TRPM3: variants seen among roughly 807,000 people sequenced by gnomAD.
TRPM3 encodes long transient receptor potential channel 3.
In TRPM3, 77 loss-of-function variants were observed where a neutral mutation model predicts 181.2. That is an observed-to-expected ratio of 0.42 (90% CI 0.35 to 0.51). The LOEUF (loss-of-function observed/expected upper bound fraction) is 0.51. TRPM3 is among the 20% of genes least tolerant of loss of function. The pLI is 0.01. For synonymous variants in TRPM3, 745 were observed against 796.4 expected (o/e 0.94, Z 1.09); for missense variants, 1,759 against 2,196.7 (o/e 0.80, Z 3.98).
chr9:71,408,052 TCAACAA>T (rs1482447614), intron 1 of TRPM3, among the ~76,000 whole-genome samples: 1 of 152,026 alleles, frequency 6.6e-6, no homozygotes, highest in Non-Finnish European at 1.5e-5. Context: ...AGGAATAGCA[TCAACAA>T]CAACAAAAAG....
intron 1 of TRPM3, among the ~76,000 whole-genome samples, chr9:71,401,398 A>G (rs2093338910): frequency 6.6e-6 from 1 of 152,072 alleles, no homozygotes; most frequent in African/African-American, 2.4e-5. Context: ...TGAGCAGACT[A>G]TTGGAGGAGG....
At chr9:71,300,738 C>T (rs982613372) in intron 1 of TRPM3, among the ~76,000 whole-genome samples, 4 of 151,986 alleles carry the variant, frequency 2.6e-5, no homozygotes, top group African/African-American at 9.7e-5. Context: ...TTTTTTCTTA[C>T]AACTGTGTAA....
At position 70,599,379 on chromosome 9, in the gene TRPM3, TA is replaced by T. The variant is rs760733819; in HGVS notation, c.2797-710del. ...AATTATAGATAAATTATACCTCAATTAAAAAAAAGACTTAGGAGACAAATGA... is the reference window on the plus strand; with the variant it reads ...AATTATAGATAAATTATACCTCAATTAAAAAAAGACTTAGGAGACAAATGA... On this transcript the variant is annotated intron_variant, in intron 20 of 25. Coordinates refer to ENST00000677713, the MANE Select transcript of TRPM3 (RefSeq NM_001366145.2). Among the ~76,000 whole-genome samples the T allele has an allele frequency of 2.2e-4, 33 of 151,804 alleles. No individual in the cohort carries two copies. The East Asian group carries it at 5.6e-3, about 26-fold the overall frequency.
chr9:70,779,801 TTAC>T (rs2082120003), intron 7 of TRPM3, among the ~76,000 whole-genome samples: 1 of 152,132 alleles, frequency 6.6e-6, no homozygotes, highest in Non-Finnish European at 1.5e-5. Flanking sequence ...ACAAAATTAA[TTAC>T]GGAAAGTGAC....
intron 1 of TRPM3, among the ~76,000 whole-genome samples, chr9:71,315,056 G>A (rs72735811): frequency 0.15 from 23,203 of 152,064 alleles, 2,111 homozygotes; most frequent in Admixed American, 0.22. Flanking sequence ...TAACTAAAAT[G>A]TGTGGCAATG....
intron 1 of TRPM3, among the ~76,000 whole-genome samples, chr9:71,323,785 A>G (rs192409150): frequency 7.9e-5 from 12 of 152,264 alleles, no homozygotes; most frequent in Admixed American, 7.2e-4. Flanking sequence ...GGAAGATGAC[A>G]TGAAGGGAAA....
chr9:71,026,592 C>A (rs918871410), intron 1 of TRPM3, among the ~76,000 whole-genome samples: 2 of 152,118 alleles, frequency 1.3e-5, no homozygotes, highest in Non-Finnish European at 1.5e-5. Context: ...CACTGCTGGG[C>A]GTAAATGAAC....
chr9:71,446,545 C>G, intron 1 of TRPM3: 1 of 1,179,428 alleles, frequency 8.5e-7, no homozygotes, highest in Admixed American at 2.8e-5. Flanking sequence ...CCACAAGTTC[C>G]CTGGCTCTCA....
chr9:70,643,089 G>T lies in TRPM3; in HGVS notation c.1346-2429C>A, dbSNP rs541759909. On this transcript the variant is annotated intron_variant, in intron 9 of 25. Coordinates refer to ENST00000677713, the MANE Select transcript of TRPM3 (RefSeq NM_001366145.2). ...GTTTACAATGATGAATATCATTTCA[G>T]CTCTCACGTGGAATTTTCCATTAAA... Among the ~76,000 whole-genome samples, 15 of 152,266 alleles carry T rather than the reference G, an allele frequency of 9.9e-5. No homozygotes were observed. In the South Asian group the frequency reaches 3.1e-3, roughly 32 times the overall value.
intron 1 of TRPM3, among the ~76,000 whole-genome samples, chr9:71,046,144 C>T (rs1159437787): frequency 6.6e-6 from 1 of 152,034 alleles, no homozygotes; most frequent in African/African-American, 2.4e-5. Flanking sequence ...GCGCCCCACG[C>T]CCGGCTAATT....
intron 1 of TRPM3, among the ~76,000 whole-genome samples, chr9:71,312,512 A>G (rs1406409037): frequency 6.6e-6 from 1 of 152,164 alleles, no homozygotes; most frequent in Non-Finnish European, 1.5e-5. Flanking sequence ...AAAACTGAAC[A>G]TACTCTTAAT....
At chr9:70,696,267 T>A (rs1038149410) in intron 8 of TRPM3, among the ~76,000 whole-genome samples, 11 of 152,170 alleles carry the variant, frequency 7.2e-5, no homozygotes, top group Non-Finnish European at 1.6e-4. Context: ...CCACTCCCGA[T>A]TAGGTTCAGG....
chr9:71,029,250 A>AC (rs1355865126), intron 1 of TRPM3, among the ~76,000 whole-genome samples: 1 of 152,196 alleles, frequency 6.6e-6, no homozygotes, highest in East Asian at 1.9e-4. Context: ...ACCTAAACTT[A>AC]ATGCTTAAAA....
chr9:70,912,789 G>A (rs976566871), intron 1 of TRPM3, among the ~76,000 whole-genome samples: 3 of 152,116 alleles, frequency 2.0e-5, no homozygotes, highest in Non-Finnish European at 4.4e-5. Flanking sequence ...TGGTATTTTA[G>A]ATTTGCCTCT....
At chr9:71,126,271 A>G (rs1460274403), upstream of TRPM3, among the ~76,000 whole-genome samples, 2 of 152,198 alleles carry the variant, frequency 1.3e-5, no homozygotes, top group Non-Finnish European at 1.5e-5. Context: ...ACGCTTTTAC[A>G]CTGTTGGTGG....
At chr9:70,766,140 T>C (rs555122136) in intron 7 of TRPM3, among the ~76,000 whole-genome samples, 115 of 152,278 alleles carry the variant, frequency 7.6e-4, no homozygotes, top group Middle Eastern at 3.4e-3. Flanking sequence ...TTAAATGCTG[T>C]ACTTATGATC....
chr9:71,270,415 A>T (rs2083702933), intron 1 of TRPM3, among the ~76,000 whole-genome samples: 1 of 152,134 alleles, frequency 6.6e-6, no homozygotes, highest in Admixed American at 6.6e-5. Context: ...TATATTTCAA[A>T]CCCCTAAAAG....
At chr9:71,018,763 G>C (rs1172472397) in intron 1 of TRPM3, among the ~76,000 whole-genome samples, 1 of 151,770 alleles carries the variant, frequency 6.6e-6, no homozygotes, top group Non-Finnish European at 1.5e-5. Flanking sequence ...TCAGAGGACA[G>C]AAAAAGGGAG....
chr9:71,427,317 T>C (rs4469528), intron 1 of TRPM3, among the ~76,000 whole-genome samples: 85,837 of 152,042 alleles, frequency 0.56, 29,117 homozygotes, highest in Non-Finnish European at 0.76. Flanking sequence ...CCTGGAAACT[T>C]GTTAAAAATG....
Sources: allele counts gnomAD v4.1 joint callset (sites outside exome capture counted in the v4.1 genomes callset), GRCh38; gene constraint gnomAD v4.1.1; transcripts MANE v1.5; gene names NCBI Gene and HGNC (gene_info 2026-07-23, HGNC 2026-07-21).